Variants in ADAMTSL1 observed in about 807,000 individuals in gnomAD.
ADAMTSL1 encodes ADAMTS like 1.
ADAMTSL1 carries 126 observed loss-of-function variants against 201.8 expected under a neutral mutation model. That is an observed-to-expected ratio of 0.62 (90% CI 0.54 to 0.72). The LOEUF is 0.72. Among genes scored for constraint, ADAMTSL1 ranks in the 30% least tolerant of loss-of-function variants. The pLI, the probability that ADAMTSL1 is intolerant of heterozygous loss-of-function variation, is 0.00. For missense variants in ADAMTSL1, 2,679 were observed against 2,277.8 expected, an observed-to-expected ratio of 1.18 and a Z score of -3.59; for synonymous variants, 1,121 against 903.4, an observed-to-expected ratio of 1.24 and a Z score of -4.32.
chr9:18,240,044 C>T (rs543353766), intron 2 of ADAMTSL1, among the ~76,000 whole-genome samples: 1 of 152,278 alleles, frequency 6.6e-6, no homozygotes, highest in South Asian at 2.1e-4. Context: ...TTTTGACTGC[C>T]TCCCATGAAT....
intron 2 of ADAMTSL1, among the ~76,000 whole-genome samples, chr9:18,428,484 G>A (rs1819332892): frequency 6.6e-6 from 1 of 151,728 alleles, no homozygotes; most frequent in South Asian, 2.1e-4. Flanking sequence ...GCTGGGCAAG[G>A]TAGCAGGCAC....
intron 3 of ADAMTSL1, among the ~76,000 whole-genome samples, chr9:18,566,098 C>G (rs1450106577): frequency 6.6e-6 from 1 of 152,108 alleles, no homozygotes; most frequent in Non-Finnish European, 1.5e-5. Flanking sequence ...ACCAACTTTC[C>G]TAGTGTCTGA....
chr9:18,211,575 C>T (rs1055410928), intron 2 of ADAMTSL1, among the ~76,000 whole-genome samples: 3 of 152,176 alleles, frequency 2.0e-5, no homozygotes. Context: ...GCTGACAGAC[C>T]ACATGTCCCC....
At chr9:18,135,232 C>T (rs994643891) in intron 1 of ADAMTSL1, among the ~76,000 whole-genome samples, 1 of 152,088 alleles carries the variant, frequency 6.6e-6, no homozygotes, top group Admixed American at 6.6e-5. Context: ...AGGAAATAGT[C>T]ACAATTGAAT....
chr9:18,367,763 G>C (rs1836838989), intron 2 of ADAMTSL1, among the ~76,000 whole-genome samples: 1 of 152,032 alleles, frequency 6.6e-6, no homozygotes, highest in African/African-American at 2.4e-5. Context: ...ACATTTATCG[G>C]CACAGAGTTA....
chr9:18,724,538 G>C (rs185445951), intron 15 of ADAMTSL1, among the ~76,000 whole-genome samples: 270 of 152,334 alleles, frequency 1.8e-3, no homozygotes, highest in African/African-American at 6.1e-3. Context: ...TGCATGTAGT[G>C]CCTACATTTT....
chr9:18,699,255 G>GT (rs1384210599), intron 13 of ADAMTSL1, among the ~76,000 whole-genome samples: 3 of 151,606 alleles, frequency 2.0e-5, no homozygotes, highest in East Asian at 3.9e-4. Flanking sequence ...ATGAGAAAAA[G>GT]TCTGTTTGTT....
chr9:18,390,022 C>A (rs1231065597), intron 2 of ADAMTSL1, among the ~76,000 whole-genome samples: 2 of 151,918 alleles, frequency 1.3e-5, no homozygotes, highest in African/African-American at 4.8e-5. Flanking sequence ...TCAAATAAAT[C>A]CTAAATGAGT....
At chr9:18,078,266 A>T (rs1823320860) in intron 1 of ADAMTSL1, among the ~76,000 whole-genome samples, 1 of 152,152 alleles carries the variant, frequency 6.6e-6, no homozygotes, top group Non-Finnish European at 1.5e-5. Flanking sequence ...CGCAGTGGGG[A>T]AAGTTTTCTC....
At chr9:18,131,238 T>G (rs1292371529) in intron 1 of ADAMTSL1, among the ~76,000 whole-genome samples, 1 of 152,206 alleles carries the variant, frequency 6.6e-6, no homozygotes, top group Non-Finnish European at 1.5e-5. Context: ...TTATTTTAAC[T>G]TTTTGTGCCA....
intron 3 of ADAMTSL1, among the ~76,000 whole-genome samples, chr9:18,540,886 G>C (rs76246951): frequency 0.02 from 3,066 of 152,236 alleles, 42 homozygotes; most frequent in Non-Finnish European, 0.031. Context: ...CCACCTACTA[G>C]AGAGGGCCTC....
At chr9:18,342,863 G>C (rs1438105892) in intron 2 of ADAMTSL1, among the ~76,000 whole-genome samples, 1 of 152,084 alleles carries the variant, frequency 6.6e-6, no homozygotes, top group Non-Finnish European at 1.5e-5. Context: ...TGAAACTTCT[G>C]ATCTCTCAAT....
intron 7 of ADAMTSL1, among the ~76,000 whole-genome samples, chr9:18,651,844 A>G (rs138707529): frequency 9.7e-4 from 147 of 152,222 alleles, no homozygotes; most frequent in South Asian, 2.7e-3. Context: ...ATAAGAGGTA[A>G]CAATACAAGG....
chr9:18,639,524 G>A (rs752744932), intron 7 of ADAMTSL1, 113 bp downstream of exon 7: 63 of 1,270,072 alleles, frequency 5.0e-5, no homozygotes, highest in Middle Eastern at 4.0e-4. Flanking sequence ...AAGCCCGTTT[G>A]TTACCCAGGA....
At chr9:18,087,799 C>T (rs1339213356) in intron 1 of ADAMTSL1, among the ~76,000 whole-genome samples, 1 of 152,056 alleles carries the variant, frequency 6.6e-6, no homozygotes, top group Non-Finnish European at 1.5e-5. Context: ...TGTTGTATTG[C>T]TAAGGTTCTT....
intron 1 of ADAMTSL1, among the ~76,000 whole-genome samples, chr9:18,028,414 T>C (rs549858161): frequency 6.6e-6 from 1 of 152,150 alleles, no homozygotes; most frequent in Non-Finnish European, 1.5e-5. Flanking sequence ...GGTTAGAATT[T>C]CTTTTCTTAG....
At chr9:18,843,118 T>G (rs1381715641) in intron 23 of ADAMTSL1, among the ~76,000 whole-genome samples, 1 of 151,084 alleles carries the variant, frequency 6.6e-6, no homozygotes, top group Admixed American at 6.6e-5. Flanking sequence ...TGATGCAGTT[T>G]CTTCCTAGCC....
At chr9:18,441,279 T>G (rs1056434428) in intron 2 of ADAMTSL1, among the ~76,000 whole-genome samples, 2 of 152,170 alleles carry the variant, frequency 1.3e-5, no homozygotes, top group Non-Finnish European at 2.9e-5. Flanking sequence ...TTTAATTCAC[T>G]CACAAAAAAG....
At chr9:18,420,310 C>T (rs73643277) in intron 2 of ADAMTSL1, among the ~76,000 whole-genome samples, 2,806 of 152,244 alleles carry the variant, frequency 0.018, 90 homozygotes, top group African/African-American at 0.065. Flanking sequence ...AGGGCTTGAA[C>T]TAGAATGGTC....
Sources: allele counts gnomAD v4.1 joint callset (sites outside exome capture counted in the v4.1 genomes callset), GRCh38; gene constraint gnomAD v4.1.1; transcripts MANE v1.5; gene names NCBI Gene and HGNC (gene_info 2026-07-23, HGNC 2026-07-21).